MACROD2: variants seen among roughly 807,000 people sequenced by gnomAD.
MACROD2 encodes ADP-ribose glycohydrolase MACROD2.
Under a neutral mutation model 70.4 loss-of-function variants are expected in MACROD2, and 36 were observed. That is an observed-to-expected ratio of 0.51 (90% CI 0.39 to 0.68). MACROD2 has a LOEUF of 0.68. MACROD2 is among the 30% of genes least tolerant of loss of function. The probability of loss-of-function intolerance (pLI) is 0.00; values close to 1 mark genes in which losing one functional copy is unlikely to be tolerated. For missense variants in MACROD2, 496 were observed against 538.4 expected, an observed-to-expected ratio of 0.92 and a Z score of 0.78; for synonymous variants, 172 against 178.8, an observed-to-expected ratio of 0.96 and a Z score of 0.30.
intron 4 of MACROD2, among the ~76,000 whole-genome samples, chr20:14,557,706 C>A (rs1238271141): frequency 6.6e-6 from 1 of 151,488 alleles, no homozygotes; most frequent in Non-Finnish European, 1.5e-5. Context: ...TAGCTATTAC[C>A]AAAAAAGACA....
chr20:14,077,256 T>C (rs2053926735), intron 2 of MACROD2, among the ~76,000 whole-genome samples: 1 of 152,244 alleles, frequency 6.6e-6, no homozygotes, highest in South Asian at 2.1e-4. Context: ...AGTTTGAGTT[T>C]ATATACTTTG....
At chr20:15,645,481 T>C (rs2049526967) in intron 8 of MACROD2, among the ~76,000 whole-genome samples, 1 of 152,196 alleles carries the variant, frequency 6.6e-6, no homozygotes, top group Admixed American at 6.5e-5. Context: ...TCTCTGCAAA[T>C]CCTTTTTCTC....
chr20:14,429,217 G>A (rs1345109360), intron 3 of MACROD2, among the ~76,000 whole-genome samples: 1 of 152,062 alleles, frequency 6.6e-6, no homozygotes, highest in African/African-American at 2.4e-5. Flanking sequence ...AGAAAGCCAC[G>A]GTGTTCCTAT....
At chr20:15,353,039 T>C (rs1049826640) in intron 6 of MACROD2, among the ~76,000 whole-genome samples, 6 of 151,938 alleles carry the variant, frequency 3.9e-5, no homozygotes, top group African/African-American at 1.2e-4. Flanking sequence ...GAGCCCGCAT[T>C]GCCAAGTCAA....
chr20:15,535,534 C>T (rs2047862831), intron 8 of MACROD2, among the ~76,000 whole-genome samples: 2 of 152,148 alleles, frequency 1.3e-5, no homozygotes, highest in Admixed American at 6.6e-5. Flanking sequence ...TATTAAAGGG[C>T]GATTTCAAAG....
intron 6 of MACROD2, among the ~76,000 whole-genome samples, chr20:15,328,982 G>A (rs6135390): frequency 0.17 from 25,760 of 151,928 alleles, 2,566 homozygotes; most frequent in Non-Finnish European, 0.23. Flanking sequence ...ATACTATGGT[G>A]TATTTATAAG....
At chr20:14,759,175 A>C (rs1332544348) in intron 5 of MACROD2, among the ~76,000 whole-genome samples, 1 of 152,156 alleles carries the variant, frequency 6.6e-6, no homozygotes, top group Non-Finnish European at 1.5e-5. Context: ...AGAATTTATA[A>C]GGTATTTTTG....
At chr20:14,959,517 C>T (rs1203822618) in intron 5 of MACROD2, among the ~76,000 whole-genome samples, 1 of 152,006 alleles carries the variant, frequency 6.6e-6, no homozygotes, top group Admixed American at 6.6e-5. Context: ...TTTTTCCCTC[C>T]CTCCCCAAAT....
intron 8 of MACROD2, among the ~76,000 whole-genome samples, chr20:15,655,760 C>T (rs1238361354): frequency 1.3e-5 from 2 of 152,218 alleles, no homozygotes; most frequent in African/African-American, 4.8e-5. Flanking sequence ...CTTTGCAACA[C>T]ACACATGTCC....
At chr20:15,637,704 G>C (rs77403617) in intron 8 of MACROD2, among the ~76,000 whole-genome samples, 1 of 152,130 alleles carries the variant, frequency 6.6e-6, no homozygotes. Context: ...CTGTGTCCCC[G>C]ATCTTTACAT....
At chr20:14,794,727 T>C (rs951492007) in intron 5 of MACROD2, among the ~76,000 whole-genome samples, 1 of 152,132 alleles carries the variant, frequency 6.6e-6, no homozygotes, top group African/African-American at 2.4e-5. Flanking sequence ...GTTTAACAAA[T>C]GTTTACTGGG....
intron 16 of MACROD2, among the ~76,000 whole-genome samples, chr20:16,044,303 G>A (rs1394276576): frequency 6.6e-6 from 1 of 151,974 alleles, no homozygotes. Context: ...ATACATCCCT[G>A]CAATCCAATC....
chr20:15,985,812 T>C (rs2066473414), intron 13 of MACROD2: 1 of 152,202 alleles, frequency 6.6e-6, no homozygotes. Context: ...CACCGAGTTG[T>C]AGAAGGAAGG....
chr20:15,148,833 T>C lies in MACROD2; in HGVS notation c.419-81107T>C, dbSNP rs551611181. Among the ~76,000 whole-genome samples the C allele has an allele frequency of 1.1e-3, 171 of 152,130 alleles. 3 individuals are homozygous for C. Among genetic ancestry groups the C allele is most frequent in the African/African-American group, 3.5e-3 (147 of 41,424 alleles). ...AGGTGTGTTTTTAAAAGACTTTTAG[T>C]CTGTTCTACTTTCCCTGAAGACTGA... On this transcript the variant is annotated intron_variant, in intron 5 of 17. Transcript: ENST00000684519.
intron 7 of MACROD2, among the ~76,000 whole-genome samples, chr20:15,466,808 G>A (rs2046896532): frequency 6.6e-6 from 1 of 152,156 alleles, no homozygotes; most frequent in Non-Finnish European, 1.5e-5. Context: ...TCTGAAAGAA[G>A]GTATTTCATG....
At chr20:14,659,554 A>G (rs889416338) in intron 4 of MACROD2, among the ~76,000 whole-genome samples, 1 of 152,108 alleles carries the variant, frequency 6.6e-6, no homozygotes, top group African/African-American at 2.4e-5. Flanking sequence ...AAGATGAGCA[A>G]ATCCCTTAAT....
intron 3 of MACROD2, among the ~76,000 whole-genome samples, chr20:14,450,074 A>G (rs954650218): frequency 1.3e-5 from 2 of 152,140 alleles, no homozygotes; most frequent in African/African-American, 2.4e-5. Context: ...CTAAAAAATT[A>G]TAAAAAACAA....
intron 5 of MACROD2, among the ~76,000 whole-genome samples, chr20:15,058,969 T>C (rs1472239932): frequency 2.0e-5 from 3 of 152,200 alleles, no homozygotes; most frequent in Admixed American, 1.3e-4. Context: ...TTAATGAACA[T>C]TTGATGACTG....
intron 5 of MACROD2, among the ~76,000 whole-genome samples, chr20:15,194,113 G>A (rs2076589498): frequency 1.3e-5 from 2 of 151,854 alleles, no homozygotes; most frequent in Admixed American, 6.6e-5. Context: ...AGGCATGATG[G>A]TGGGTGCCTG....
Sources: gnomAD v4.1 joint callset for allele counts (sites outside exome capture counted in the v4.1 genomes callset) on GRCh38, gnomAD v4.1.1 for gene constraint, MANE v1.5 for transcripts, NCBI Gene and HGNC (gene_info 2026-07-23, HGNC 2026-07-21) for gene names.